Variants in SDCCAG8 observed in about 807,000 individuals in gnomAD.
SDCCAG8 encodes the protein serologically defined colon cancer antigen 8.
A neutral mutation model predicts 101.8 loss-of-function variants in SDCCAG8; 74 were observed. That is an observed-to-expected ratio of 0.73 (90% CI 0.60 to 0.88). The LOEUF (loss-of-function observed/expected upper bound fraction) is 0.88, where lower values mean the gene tolerates loss of function less well. Among genes scored for constraint, SDCCAG8 ranks in the 40% least tolerant of loss-of-function variants. SDCCAG8 has a pLI of 0.00. For synonymous variants in SDCCAG8, 281 were observed against 292.9 expected (o/e 0.96, Z 0.41); for missense variants, 787 against 822.6 (o/e 0.96, Z 0.53).
At chr1:243,352,147 A>C (rs943120260) in intron 12 of SDCCAG8, among the ~76,000 whole-genome samples, 1 of 152,232 alleles carries the variant, frequency 6.6e-6, no homozygotes, top group East Asian at 1.9e-4. Flanking sequence ...TTATTTTACA[A>C]AATCAAATGT....
At chr1:243,496,567 C>G (rs1046774223) in intron 17 of SDCCAG8, among the ~76,000 whole-genome samples, 8 of 152,204 alleles carry the variant, frequency 5.3e-5, no homozygotes, top group Admixed American at 5.2e-4. Flanking sequence ...GGGGTTGTTA[C>G]CTTCAGAAGG....
intron 9 of SDCCAG8, among the ~76,000 whole-genome samples, chr1:243,319,739 G>A (rs1269979350): frequency 6.6e-6 from 1 of 152,024 alleles, no homozygotes; most frequent in Non-Finnish European, 1.5e-5. Flanking sequence ...ATCCTTAAAT[G>A]TTTGAATTTC....
intron 9 of SDCCAG8, among the ~76,000 whole-genome samples, chr1:243,325,558 T>A (rs918559028): frequency 6.6e-6 from 1 of 152,048 alleles, no homozygotes; most frequent in African/African-American, 2.4e-5. Flanking sequence ...ATATTTACAT[T>A]CTTTGTGGCA....
chr1:243,428,094 C>T (rs1238402144), intron 16 of SDCCAG8, among the ~76,000 whole-genome samples: 1 of 152,232 alleles, frequency 6.6e-6, no homozygotes, highest in African/African-American at 2.4e-5. Flanking sequence ...TATTTTCTTA[C>T]ATTTGTGTAT....
chr1:243,351,279 C>T (rs1030225574), intron 12 of SDCCAG8, among the ~76,000 whole-genome samples: 9 of 152,146 alleles, frequency 5.9e-5, no homozygotes, highest in Non-Finnish European at 1.2e-4. Context: ...CATTCTTGTC[C>T]CTGCTCCCTA....
intron 4 of SDCCAG8, 74 bp from the exon 5 acceptor site, chr1:243,286,198 C>A: frequency 7.1e-7 from 1 of 1,400,490 alleles, no homozygotes; most frequent in Non-Finnish European, 1.0e-6. Flanking sequence ...TTATATCATG[C>A]TGTGCCCTCT....
intron 1 of SDCCAG8, among the ~76,000 whole-genome samples, chr1:243,264,623 AAAG>A (rs2067445737): frequency 2.0e-5 from 3 of 152,214 alleles, no homozygotes; most frequent in Admixed American, 6.5e-5. Flanking sequence ...CTCAAAAAAA[AAAG>A]AAGAAAGAAA....
In SDCCAG8 at chr1:243,366,195, A is replaced by G. The variant is rs181777050; in HGVS notation, c.1474-12526A>G. ...ATCAGTTATAACTTTATGAATAGCAATATTTTCAGTTCATTTAAATTTATT... is the reference window on the plus strand; with the variant it reads ...ATCAGTTATAACTTTATGAATAGCAGTATTTTCAGTTCATTTAAATTTATT... On this transcript the variant is annotated intron_variant, in intron 12 of 17. Transcript: ENST00000366541. Among the ~76,000 whole-genome samples, 341 of 152,160 alleles carry G rather than the reference A, an allele frequency of 2.2e-3. 4 individuals carry two copies. Among genetic ancestry groups the G allele is most frequent in the African/African-American group, 7.9e-3 (329 of 41,574 alleles).
chr1:243,352,448 A>G (rs1347143708), intron 12 of SDCCAG8, among the ~76,000 whole-genome samples: 1 of 152,192 alleles, frequency 6.6e-6, no homozygotes, highest in Non-Finnish European at 1.5e-5. Flanking sequence ...GTAAAAGTTG[A>G]CTTACCAGCC....
intron 9 of SDCCAG8, among the ~76,000 whole-genome samples, chr1:243,320,872 T>C (rs1186957770): frequency 6.6e-6 from 1 of 152,194 alleles, no homozygotes; most frequent in Non-Finnish European, 1.5e-5. Flanking sequence ...TCTTCTCTGC[T>C]CCACTGCCTG....
At chr1:243,350,921 C>A (rs1239301334) in intron 12 of SDCCAG8, among the ~76,000 whole-genome samples, 2 of 152,192 alleles carry the variant, frequency 1.3e-5, no homozygotes, top group African/African-American at 4.8e-5. Flanking sequence ...ATCGTTGTAT[C>A]TTTTAAAAGT....
chr1:243,445,814 C>A (rs1031276465), intron 16 of SDCCAG8, among the ~76,000 whole-genome samples: 1 of 152,176 alleles, frequency 6.6e-6, no homozygotes, highest in Non-Finnish European at 1.5e-5. Flanking sequence ...ATTGGACAAA[C>A]TTTTTGTGTT....
intron 16 of SDCCAG8, among the ~76,000 whole-genome samples, chr1:243,484,856 C>G (rs113825057): frequency 1.3e-5 from 2 of 152,058 alleles, no homozygotes; most frequent in African/African-American, 4.8e-5. Context: ...CCAGCCTGGC[C>G]AACATCGTGA....
chr1:243,389,704 A>G (rs1309270036), intron 13 of SDCCAG8, among the ~76,000 whole-genome samples: 5 of 152,232 alleles, frequency 3.3e-5, no homozygotes, highest in Non-Finnish European at 7.3e-5. Flanking sequence ...TTGAGATGCT[A>G]TGCTTCTCAC....
intron 8 of SDCCAG8, among the ~76,000 whole-genome samples, chr1:243,310,335 G>A (rs2072602274): frequency 6.6e-6 from 1 of 152,082 alleles, no homozygotes; most frequent in South Asian, 2.1e-4. Flanking sequence ...GTCAACGACT[G>A]TGCTAGGAGA....
intron 16 of SDCCAG8, among the ~76,000 whole-genome samples, chr1:243,462,348 G>A (rs1170412995): frequency 1.3e-5 from 2 of 152,278 alleles, no homozygotes; most frequent in Middle Eastern, 3.4e-3. Flanking sequence ...ACAAATGATA[G>A]CAAAAGTCAT....
intron 16 of SDCCAG8, among the ~76,000 whole-genome samples, chr1:243,433,248 T>C (rs1003224626): frequency 3.3e-5 from 5 of 151,302 alleles, no homozygotes; most frequent in African/African-American, 7.3e-5. Context: ...GTAAAAGATA[T>C]ACTCTGCCTT....
chr1:243,269,551 CACTATA>C (rs2067914321), intron 1 of SDCCAG8, among the ~76,000 whole-genome samples: 1 of 151,792 alleles, frequency 6.6e-6, no homozygotes, highest in African/African-American at 2.4e-5. Context: ...CCGGGGCTGC[CACTATA>C]AGCACTTCAG....
chr1:243,287,770 G>A (rs146833075), intron 5 of SDCCAG8, among the ~76,000 whole-genome samples: 27 of 152,290 alleles, frequency 1.8e-4, no homozygotes, highest in South Asian at 1.4e-3. Context: ...CACTTAGCAA[G>A]CAGTGATTCA....
Sources: allele counts gnomAD v4.1 joint callset (sites outside exome capture counted in the v4.1 genomes callset), GRCh38; gene constraint gnomAD v4.1.1; transcripts MANE v1.5; gene names NCBI Gene and HGNC (gene_info 2026-07-23, HGNC 2026-07-21).